GRID2: variants seen among roughly 807,000 people sequenced by gnomAD.
GRID2 encodes the protein glutamate receptor ionotropic, delta-2.
In GRID2, 33 loss-of-function variants were observed where a neutral mutation model predicts 114.8. That is an observed-to-expected ratio of 0.29 (90% CI 0.22 to 0.38). GRID2 has a LOEUF of 0.38. GRID2 is among the 10% of genes least tolerant of loss of function. GRID2 has a pLI of 1.00. For synonymous variants in GRID2, 505 were observed against 449.9 expected (o/e 1.12, Z -1.55); for missense variants, 1,184 against 1,257.7 (o/e 0.94, Z 0.89).
chr4:92,878,907 C>T (rs1021436693), intron 2 of GRID2, among the ~76,000 whole-genome samples: 8 of 151,980 alleles, frequency 5.3e-5, no homozygotes, highest in African/African-American at 1.2e-4. Flanking sequence ...TATACAAACC[C>T]GTGAGGCTAT....
At chr4:93,336,434 A>C (rs572057709) in intron 8 of GRID2, among the ~76,000 whole-genome samples, 44 of 152,338 alleles carry the variant, frequency 2.9e-4, no homozygotes, top group South Asian at 1.7e-3. Context: ...GCTTTCTGGT[A>C]ATGTGGTTCT....
chr4:92,524,074 G>C (rs557354711), intron 1 of GRID2, among the ~76,000 whole-genome samples: 1 of 152,166 alleles, frequency 6.6e-6, no homozygotes, highest in East Asian at 1.9e-4. Context: ...TAGGGGTTAA[G>C]AGGAAGAAAG....
intron 14 of GRID2, among the ~76,000 whole-genome samples, chr4:93,662,411 A>G (rs1227648263): frequency 6.6e-6 from 1 of 152,160 alleles, no homozygotes; most frequent in Non-Finnish European, 1.5e-5. Context: ...TGTTTTATTC[A>G]CTGTGGTATG....
downstream of GRID2, among the ~76,000 whole-genome samples, chr4:93,774,824 A>G (rs1734327147): frequency 6.6e-6 from 1 of 152,116 alleles, no homozygotes; most frequent in African/African-American, 2.4e-5. Flanking sequence ...CTCTGTGAGC[A>G]CTTTTTTGGG....
chr4:92,486,607 G>A (rs1722910811), intron 1 of GRID2, among the ~76,000 whole-genome samples: 1 of 143,482 alleles, frequency 7.0e-6, no homozygotes, highest in African/African-American at 2.6e-5. Flanking sequence ...AGATAATATA[G>A]TAGGAATAAG....
chr4:93,181,726 ACTTAC>A (rs902202957), intron 4 of GRID2, among the ~76,000 whole-genome samples: 6 of 152,090 alleles, frequency 3.9e-5, no homozygotes, highest in African/African-American at 1.4e-4. Flanking sequence ...CTAGCTTCCA[ACTTAC>A]CTTCTGCAGC....
At chr4:92,492,750 C>G (rs1344399994) in intron 1 of GRID2, among the ~76,000 whole-genome samples, 1 of 152,076 alleles carries the variant, frequency 6.6e-6, no homozygotes, top group Non-Finnish European at 1.5e-5. Context: ...GGAGTCATAT[C>G]TGAAATCCAC....
intron 2 of GRID2, among the ~76,000 whole-genome samples, chr4:93,031,080 A>T (rs1578798212): frequency 2.3e-5 from 3 of 132,574 alleles, no homozygotes; most frequent in Non-Finnish European, 4.6e-5. Flanking sequence ...TCTGTCGCCC[A>T]GACTGGAGTG....
intron 13 of GRID2, among the ~76,000 whole-genome samples, chr4:93,621,339 T>G (rs1464246206): frequency 6.6e-6 from 1 of 152,196 alleles, no homozygotes; most frequent in Admixed American, 6.5e-5. Flanking sequence ...GTCTGGAGAT[T>G]GAAAACACTA....
chr4:93,022,527 G>C (rs1247281749), intron 2 of GRID2, among the ~76,000 whole-genome samples: 2 of 151,780 alleles, frequency 1.3e-5, no homozygotes, highest in Non-Finnish European at 2.9e-5. Context: ...TATTTTCTAG[G>C]AATACATTTT....
intron 4 of GRID2, among the ~76,000 whole-genome samples, chr4:93,153,465 G>A (rs1736904239): frequency 6.6e-6 from 1 of 152,058 alleles, no homozygotes; most frequent in Non-Finnish European, 1.5e-5. Flanking sequence ...AGACTAGCTA[G>A]TCAGAAAGCT....
chr4:93,466,232 T>A (rs2149427592), intron 11 of GRID2, among the ~76,000 whole-genome samples: 1 of 152,344 alleles, frequency 6.6e-6, no homozygotes, highest in South Asian at 2.1e-4. Flanking sequence ...TTTTTCCAGC[T>A]AAAATGATGA....
chr4:93,407,825 T>TCTC lies in GRID2; in HGVS notation c.1347+12137_1347+12139dup, dbSNP rs141411355. Among the ~76,000 whole-genome samples, 83 of 117,600 alleles carry TCTC rather than the reference T, an allele frequency of 7.1e-4. No individual in the cohort carries two copies. In the East Asian group the frequency reaches 7.3e-3, roughly 10 times the overall value. 77.2% of individuals were successfully genotyped at this position (117,600 alleles called of 152,430 possible). A position where few individuals can be genotyped will look rare whatever the true frequency, so the allele number is the denominator to read the frequency against. On this transcript the variant is annotated intron_variant, in intron 9 of 15. Coordinates refer to ENST00000282020, the MANE Select transcript of GRID2 (RefSeq NM_001510.4). ...TCCTCCTCCTCTTCCTCCTCCTCCT[T>TCTC]CTCCTCCTCCTCCTCCTCCTCCACC...
chr4:93,694,162 C>A (rs949477426), intron 14 of GRID2, among the ~76,000 whole-genome samples: 4 of 152,130 alleles, frequency 2.6e-5, no homozygotes, highest in African/African-American at 9.7e-5. Context: ...CGTTTCTCAT[C>A]TTCATATTCA....
downstream of GRID2, among the ~76,000 whole-genome samples, chr4:93,777,900 T>C (rs1734398157): frequency 6.6e-6 from 1 of 152,218 alleles, no homozygotes; most frequent in South Asian, 2.1e-4. Flanking sequence ...TGAAAAAGTT[T>C]AGGAATTAAG....
chr4:93,108,760 G>A (rs1440642625), intron 3 of GRID2, among the ~76,000 whole-genome samples: 3 of 151,458 alleles, frequency 2.0e-5, no homozygotes, highest in Non-Finnish European at 4.4e-5. Context: ...CCTCCCAAGT[G>A]GCTGGGACTA....
intron 1 of GRID2, among the ~76,000 whole-genome samples, chr4:92,581,235 T>C (rs1257920679): frequency 6.6e-6 from 1 of 151,686 alleles, no homozygotes; most frequent in East Asian, 1.9e-4. Flanking sequence ...ACAAGTACTC[T>C]TTAAAAAATT....
intron 1 of GRID2, among the ~76,000 whole-genome samples, chr4:92,456,904 G>C (rs1721243361): frequency 1.3e-5 from 2 of 151,884 alleles, no homozygotes; most frequent in South Asian, 4.2e-4. Flanking sequence ...TTAAATAACA[G>C]GTATGTTATG....
At chr4:92,720,420 T>A (rs1735756237) in intron 2 of GRID2, among the ~76,000 whole-genome samples, 1 of 151,924 alleles carries the variant, frequency 6.6e-6, no homozygotes, top group Non-Finnish European at 1.5e-5. Flanking sequence ...CTCAGATGAG[T>A]TAAATGGATT....
Sources: allele counts gnomAD v4.1 joint callset (sites outside exome capture counted in the v4.1 genomes callset), GRCh38; gene constraint gnomAD v4.1.1; transcripts MANE v1.5; gene names NCBI Gene and HGNC (gene_info 2026-07-23, HGNC 2026-07-21).